The following SLC20A2 variants were observed in gnomAD, a reference collection of about 807,000 sequenced individuals.
SLC20A2 encodes the protein solute carrier family 20 member 2.
SLC20A2 carries 30 observed loss-of-function variants against 61.0 expected under a neutral mutation model. The ratio of observed to expected loss-of-function variants is 0.49; its 90% CI spans 0.37 to 0.67. The LOEUF is 0.67. Among genes scored for constraint, SLC20A2 ranks in the 30% least tolerant of loss-of-function variants. SLC20A2 has a pLI of 0.00. For synonymous variants in SLC20A2, 351 were observed against 353.3 expected, an observed-to-expected ratio of 0.99 and a Z score of 0.07; for missense variants, 626 against 866.4, an observed-to-expected ratio of 0.72 and a Z score of 3.48.
chr8:42,463,151 T>C (rs1217628281), intron 3 of SLC20A2, 61 bp from the exon 4 acceptor site: 2 of 937,124 alleles, frequency 2.1e-6, no homozygotes, highest in Admixed American at 4.9e-5. Flanking sequence ...ATGGTCCTAT[T>C]CATAGAACAC....
Position 42,472,598 on chromosome 8 carries a change from C to T in SLC20A2, c.-208G>A, listed in dbSNP as rs1437850803. On this transcript the variant is annotated 5_prime_UTR_variant, in exon 2 of 11. Transcript: ENST00000520262. The surrounding 1 kb of genome is among the most constrained non-coding windows in gnomAD (Gnocchi z 4.1). ...AGTTCATTTGGTTGTGTTCAGTCAG[C>T]GGTAAAACACATTCCATATTTTTCC... The T allele has an allele frequency of 7.6e-6, 4 of 528,626 alleles. No homozygotes were observed. Among genetic ancestry groups the T allele is most frequent in the South Asian group, 5.0e-5 (2 of 39,832 alleles). The allele number at this position is 528,626 out of a possible 1,614,324, so 32.7% of individuals were successfully genotyped here.
chr8:42,450,597 C>G (rs934718103), intron 5 of SLC20A2, among the ~76,000 whole-genome samples: 1 of 152,074 alleles, frequency 6.6e-6, no homozygotes, highest in African/African-American at 2.4e-5. Flanking sequence ...AATCTCCACT[C>G]ACTGCAGCCT....
chr8:42,517,611 G>GCCCAC (rs1163212296), intron 1 of SLC20A2, among the ~76,000 whole-genome samples: 1 of 152,066 alleles, frequency 6.6e-6, no homozygotes, highest in Non-Finnish European at 1.5e-5. Context: ...CCTCCATGAA[G>GCCCAC]CCCACCATGG....
chr8:42,487,521 T>G (rs1281565491), intron 1 of SLC20A2, among the ~76,000 whole-genome samples: 3 of 152,180 alleles, frequency 2.0e-5, no homozygotes, highest in Non-Finnish European at 4.4e-5. Context: ...CTGCCCCTTC[T>G]CTGTCGGTTC....
intron 10 of SLC20A2, among the ~76,000 whole-genome samples, chr8:42,426,740 A>G (rs1365012538): frequency 6.6e-6 from 1 of 152,188 alleles, no homozygotes; most frequent in Non-Finnish European, 1.5e-5. Context: ...AAGCTATTTC[A>G]ACTGGTGTAG....
At chr8:42,419,283 T>C (rs1237416618) in intron 10 of SLC20A2, among the ~76,000 whole-genome samples, 1 of 152,036 alleles carries the variant, frequency 6.6e-6, no homozygotes, top group East Asian at 1.9e-4. Context: ...AATGGTGATT[T>C]ACCAGGCCGG....
chr8:42,429,750 C>A (rs899242514), intron 9 of SLC20A2, among the ~76,000 whole-genome samples: 24 of 152,168 alleles, frequency 1.6e-4, no homozygotes, highest in Non-Finnish European at 2.6e-4. Flanking sequence ...CCTCCCTGCC[C>A]ACCTGCCTTT....
chr8:42,452,955 T>C (rs1409498506), intron 5 of SLC20A2, among the ~76,000 whole-genome samples: 1 of 152,124 alleles, frequency 6.6e-6, no homozygotes, highest in Non-Finnish European at 1.5e-5. Context: ...AGAGCAGTGG[T>C]TCTCAAACTG....
At chr8:42,423,134 CCA>C (rs1191114116) in intron 10 of SLC20A2, among the ~76,000 whole-genome samples, 2 of 152,128 alleles carry the variant, frequency 1.3e-5, no homozygotes, top group East Asian at 3.9e-4. Flanking sequence ...TTGTATCCAC[CCA>C]CAGACACACA....
At chr8:42,500,164 A>T (rs6474400) in intron 1 of SLC20A2, among the ~76,000 whole-genome samples, 73,333 of 152,016 alleles carry the variant, frequency 0.48, 17,924 homozygotes, top group Middle Eastern at 0.59. Context: ...TTTATTAATA[A>T]CAATATTCCT....
intron 1 of SLC20A2, among the ~76,000 whole-genome samples, chr8:42,491,497 T>C (rs1392346282): frequency 4.6e-5 from 7 of 150,562 alleles, no homozygotes; most frequent in Non-Finnish European, 1.5e-5. Context: ...AGAGTGAGAC[T>C]TCGTCTCCAA....
At chr8:42,423,396 C>T (rs1290452448) in intron 10 of SLC20A2, among the ~76,000 whole-genome samples, 1 of 151,400 alleles carries the variant, frequency 6.6e-6, no homozygotes, top group Non-Finnish European at 1.5e-5. Flanking sequence ...CACTATGTTG[C>T]CCCAGGCTGG....
At chr8:42,499,847 C>T (rs1427744864) in intron 1 of SLC20A2, among the ~76,000 whole-genome samples, 1 of 152,148 alleles carries the variant, frequency 6.6e-6, no homozygotes, top group African/African-American at 2.4e-5. Flanking sequence ...CTCTTCAGCT[C>T]AATAAAAACT....
At chr8:42,504,003 A>G (rs1810480847), upstream of SLC20A2, among the ~76,000 whole-genome samples, 1 of 152,208 alleles carries the variant, frequency 6.6e-6, no homozygotes, top group Non-Finnish European at 1.5e-5. Flanking sequence ...GCAGTGGCAC[A>G]ATCATGGCTC....
At chr8:42,430,908 G>A (rs28848940) in intron 8 of SLC20A2, among the ~76,000 whole-genome samples, 5,622 of 152,194 alleles carry the variant, frequency 0.037, 358 homozygotes, top group African/African-American at 0.13. Context: ...GAGACGGTGA[G>A]CTTCACTGAT....
Position 42,485,511 on chromosome 8 carries a change from G to A in SLC20A2, c.-264-12857C>T, listed in dbSNP as rs1442072407. 5.3e-5 allele frequency among the ~76,000 whole-genome samples: 8 copies of A among 151,604 alleles called. 1 individual carries two copies. Among genetic ancestry groups the A allele is most frequent in the South Asian group, 4.2e-4 (2 of 4,780 alleles). Reference sequence around the variant, plus strand: ...ACAAAAATTGGCCGGGTGTAGTGGCGGGCGCCTGTAATCCCAGCTACTCAG... The same window carrying A: ...ACAAAAATTGGCCGGGTGTAGTGGCAGGCGCCTGTAATCCCAGCTACTCAG... On this transcript the variant is annotated intron_variant, in intron 1 of 10. Transcript: ENST00000520262.
At chr8:42,473,342 G>A (rs1344836514) in intron 1 of SLC20A2, among the ~76,000 whole-genome samples, 2 of 150,480 alleles carry the variant, frequency 1.3e-5, no homozygotes, top group African/African-American at 5.0e-5. Flanking sequence ...GACCCTTCAG[G>A]CCTCCTCGCA....
chr8:42,514,526 G>C (rs1375993476), intron 1 of SLC20A2, among the ~76,000 whole-genome samples: 1 of 152,194 alleles, frequency 6.6e-6, no homozygotes, highest in Non-Finnish European at 1.5e-5. Context: ...GGGAGGCCGA[G>C]GCAGGTGGAT....
At position 42,472,551 on chromosome 8, in the gene SLC20A2, G is replaced by A. The variant is rs899261478; in HGVS notation, c.-161C>T. The A allele has an allele frequency of 1.6e-6, 1 of 642,568 alleles. No individual in the cohort carries two copies. 39.8% of individuals were successfully genotyped at this position (642,568 alleles called of 1,614,324 possible). ...AGGCTGGACAAACTGCTAGCTGCTG[G>A]TTTGCAAACTACTGTCAGGACAGTT... is the stretch of plus-strand genomic sequence containing the variant. On this transcript the variant is annotated 5_prime_UTR_variant, in exon 2 of 11. Coordinates refer to ENST00000520262, the MANE Select transcript of SLC20A2 (RefSeq NM_001257180.2). This position sits in a 1 kb window ranked among gnomAD's most constrained non-coding sequence, Gnocchi z 4.1.
Sources: gnomAD v4.1 joint callset for allele counts (sites outside exome capture counted in the v4.1 genomes callset) on GRCh38, gnomAD v4.1.1 for gene constraint, Gnocchi (gnomAD v3.1) non-coding constraint, MANE v1.5 for transcripts, NCBI Gene and HGNC (gene_info 2026-07-23, HGNC 2026-07-21) for gene names.